CORO7: variants seen among roughly 807,000 people sequenced by gnomAD.
CORO7 encodes the protein coronin-7.
A neutral mutation model predicts 126.6 loss-of-function variants in CORO7; 107 were observed. That is an observed-to-expected ratio of 0.85 (90% CI 0.72 to 0.99). The LOEUF is 0.99. CORO7 is among the 50% of genes least tolerant of loss of function. The pLI is 0.00. For missense variants in CORO7, 1,314 were observed against 1,255.8 expected, an observed-to-expected ratio of 1.05 and a Z score of -0.70; for synonymous variants, 603 against 536.8, an observed-to-expected ratio of 1.12 and a Z score of -1.70.
Position 4,355,535 on chromosome 16 carries a change from C to G in CORO7, c.2686-163G>C. The G allele has an allele frequency of 9.9e-6, 7 of 706,380 alleles. 1 individual carries two copies. In the South Asian group the frequency reaches 1.1e-4, roughly 11 times the overall value. 43.8% of individuals were successfully genotyped at this position (706,380 alleles called of 1,614,324 possible). On this transcript the variant is annotated intron_variant, in intron 26 of 27. Coordinates refer to ENST00000251166, the MANE Select transcript of CORO7 (RefSeq NM_024535.5). ...GCTGGATGGAGTGCAGTGGCGCGAT[C>G]TCGGCTCACTGCAAGCTCTGCCTCC...
At position 4,365,013 on chromosome 16, in the gene CORO7, C is replaced by T. The variant is rs747702648; in HGVS notation, c.888G>A (p.Ala296=). 10 of 1,605,984 alleles carry T rather than the reference C, an allele frequency of 6.2e-6. No individual in the cohort carries two copies. Among genetic ancestry groups the T allele is most frequent in the African/African-American group, 4.0e-5 (3 of 74,924 alleles). Residue 296 remains alanine, a synonymous_variant, in exon 11 of 28, where the codon GCG becomes GCA. Coordinates refer to ENST00000251166, the MANE Select transcript of CORO7 (RefSeq NM_024535.5). ...GGAAGCAAGGCTTACCTGGGCTCAG[C>T]GCCGGCTGCTGCGGGACCACCTCGT... ...YCYEVVPQQP[A]LSPVTQCVLE... is the part of the protein sequence containing the mutation.
chr16:4,404,725 C>T (rs1380249944), intron 6 of CORO7, among the ~76,000 whole-genome samples: 1 of 152,146 alleles, frequency 6.6e-6, no homozygotes, highest in Non-Finnish European at 1.5e-5. Flanking sequence ...AATCCTTCTC[C>T]AACACTTGGC....
chr16:4,402,380 GA>G (rs1178312527), intron 6 of CORO7, among the ~76,000 whole-genome samples: 1 of 152,046 alleles, frequency 6.6e-6, no homozygotes, highest in African/African-American at 2.4e-5. Flanking sequence ...CTCAGCCTGG[GA>G]CCACAGGCGC....
intron 9 of CORO7, among the ~76,000 whole-genome samples, chr16:4,370,815 G>A (rs1016913090): frequency 8.6e-5 from 8 of 93,258 alleles, no homozygotes; most frequent in African/African-American, 2.0e-4. Context: ...TAAGCCTTCA[G>A]GCCCCCCAAA....
intron 6 of CORO7, among the ~76,000 whole-genome samples, chr16:4,404,676 G>A (rs1357761703): frequency 6.6e-6 from 1 of 152,024 alleles, no homozygotes; most frequent in African/African-American, 2.4e-5. Flanking sequence ...CCAGTGACAG[G>A]CCTCTCCTAC....
intron 6 of CORO7, 30 bp downstream of exon 6, chr16:4,405,461 C>T: frequency 6.2e-7 from 1 of 1,606,500 alleles, no homozygotes; most frequent in Non-Finnish European, 8.5e-7. Context: ...TGCACAGAGC[C>T]CCACAGGGCA....
chr16:4,399,290 A>T (rs949339567), intron 6 of CORO7, among the ~76,000 whole-genome samples: 2 of 152,240 alleles, frequency 1.3e-5, no homozygotes, highest in African/African-American at 4.8e-5. Context: ...CATACTATGC[A>T]GTCTTCAAAG....
chr16:4,371,438 C>A lies in CORO7; in HGVS notation c.786-5893G>T, dbSNP rs375120290. On this transcript the variant is annotated intron_variant, in intron 9 of 27. Transcript: ENST00000251166. ...TCTCTTCAAAAATCCAAAGCTCTAG[C>A]TGGCCCGGGCTGGTCATGAGGACTC... Among the ~76,000 whole-genome samples the A allele has an allele frequency of 4.6e-5, 7 of 152,334 alleles. 1 individual carries two copies. The highest frequency in any genetic ancestry group is 1.7e-4 in the African/African-American group (7 of 41,576).
At chr16:4,378,617 G>C (rs1388960556) in intron 9 of CORO7, among the ~76,000 whole-genome samples, 1 of 152,104 alleles carries the variant, frequency 6.6e-6, no homozygotes, top group Admixed American at 6.5e-5. Context: ...CATCAGACAC[G>C]AGCCCCCCTG....
intron 9 of CORO7, among the ~76,000 whole-genome samples, chr16:4,380,421 C>T (rs551443666): frequency 6.7e-4 from 102 of 152,374 alleles, no homozygotes; most frequent in African/African-American, 2.0e-3. Context: ...CAGCAGGAGC[C>T]GGCGGCCAAG....
At chr16:4,357,320 G>C in intron 25 of CORO7, 61 bp from the exon 26 acceptor site, 1 of 1,438,532 alleles carries the variant, frequency 7.0e-7, no homozygotes, top group Non-Finnish European at 9.3e-7. Flanking sequence ...TTGGTGCCAA[G>C]CCCTCGGGGA....
In CORO7 at chr16:4,361,973, T is replaced by TG; in HGVS notation, c.1578+11dup. On this transcript the variant is annotated intron_variant, in intron 16 of 27. Transcript: ENST00000251166. Reference sequence around the variant, plus strand: ...GAACTGAGGGGCAGCCCTGGTGGGGTGGGGCCCTCACCTCAAGCACAGCCA... The same window carrying TG: ...GAACTGAGGGGCAGCCCTGGTGGGGTGGGGGCCCTCACCTCAAGCACAGCCA... 1 of 1,592,340 alleles carries TG rather than the reference T, an allele frequency of 6.3e-7. No homozygotes were observed. The highest frequency in any genetic ancestry group is 8.5e-7 in the Non-Finnish European group (1 of 1,170,302).
intron 16 of CORO7, chr16:4,361,719 C>T (rs1299098919): frequency 1.0e-5 from 8 of 791,004 alleles, no homozygotes; most frequent in South Asian, 2.9e-5. Flanking sequence ...CTCAGGTGGC[C>T]GGGCTTCGGA....
In CORO7 at chr16:4,357,977, T is replaced by C; in HGVS notation, c.2584A>G (p.Met862Val). ...PWLLSLQPPD[M>V]SPVSQAPREA... The stretch of plus-strand genomic sequence containing the variant: ...CAGTCCCTCGGTGCACCTGGGCTCA[T>C]GTCAGGAGGCTGCAGGCTGAGAAGC... Residue 862 changes from methionine (M) to valine (V), a missense_variant, in exon 25 of 28, where the codon ATG becomes GTG. Transcript: ENST00000251166. 2 of 1,607,338 alleles carry C rather than the reference T, an allele frequency of 1.2e-6. No homozygotes were observed. The highest frequency in any genetic ancestry group is 1.7e-6 in the Non-Finnish European group (2 of 1,174,794).
chr16:4,364,780 G>A lies in CORO7; in HGVS notation c.1039C>T (p.Arg347Cys), dbSNP rs767077113. 2.8e-5 allele frequency: 45 copies of A among 1,610,338 alleles called. No individual in the cohort carries two copies. Among genetic ancestry groups the A allele is most frequent in the South Asian group, 1.5e-4 (14 of 90,786 alleles). The change falls in exon 12 of 28, where the codon CGC becomes TGC. Residue 347 changes from arginine (R) to cysteine (C), a missense_variant. Coordinates refer to ENST00000251166, the MANE Select transcript of CORO7 (RefSeq NM_024535.5). ...AIVPIGYHVP[R>C]KAVEFHEDLF... is the part of the protein sequence containing the mutation. ...CTCGCCCAAGTCCCCCTCACCTTGC[G>A]GGGCACATGGTAGCCGATGGGCACG... is the stretch of plus-strand genomic sequence containing the variant.
In CORO7 at chr16:4,409,776, G is replaced by A. The variant is rs78984780; in HGVS notation, c.233-1525C>T. The stretch of plus-strand genomic sequence containing the variant: ...CCCTCTGCTCCCCTGGCTGCTGGGC[G>A]GAAGGGCAAGAGTGGCCCTGAGCTG... On this transcript the variant is annotated intron_variant, in intron 3 of 27. Coordinates refer to ENST00000251166, the MANE Select transcript of CORO7 (RefSeq NM_024535.5). Among the ~76,000 whole-genome samples, 683 of 152,324 alleles carry A rather than the reference G, an allele frequency of 4.5e-3. 43 individuals carry two copies. The East Asian group carries it at 0.11, about 25-fold the overall frequency.
rs535787155 is a variant in CORO7, at chr16:4,358,344, G to A, written c.2457+23C>T. On this transcript the variant is annotated intron_variant, in intron 24 of 27. Transcript: ENST00000251166. Reference sequence around the variant, plus strand: ...GGCACCGAGAAGGCGGTGGGCATGGGAGTCCCAGGTCCCCACCCTCACCCG... The same window carrying A: ...GGCACCGAGAAGGCGGTGGGCATGGAAGTCCCAGGTCCCCACCCTCACCCG... 3.7e-5 allele frequency: 60 copies of A among 1,610,454 alleles called. No homozygotes were observed. In the Admixed American group the frequency reaches 4.5e-4, roughly 12 times the overall value.
At chr16:4,359,159 T>A (rs2054075868) in intron 23 of CORO7, 137 bp downstream of exon 23, 1 of 935,708 alleles carries the variant, frequency 1.1e-6, no homozygotes, top group Admixed American at 3.2e-5. Flanking sequence ...TGCCAGTCAC[T>A]GGGCACAGCC....
Position 4,389,286 on chromosome 16 carries a change from G to C in CORO7, c.616-655C>G, listed in dbSNP as rs2055303965. Among the ~76,000 whole-genome samples the C allele has an allele frequency of 2.0e-5, 3 of 152,206 alleles. No individual in the cohort carries two copies. In the South Asian group the frequency reaches 6.2e-4, roughly 31 times the overall value. On this transcript the variant is annotated intron_variant, in intron 7 of 27. Coordinates refer to ENST00000251166, the MANE Select transcript of CORO7 (RefSeq NM_024535.5). ...GGAAGGCTCCCGGCCCCTGGGAGGAGAGGGAAGCTCACATGGTGGGTGGGG... is the reference window on the plus strand; with the variant it reads ...GGAAGGCTCCCGGCCCCTGGGAGGACAGGGAAGCTCACATGGTGGGTGGGG...
Sources: allele counts gnomAD v4.1 joint callset (sites outside exome capture counted in the v4.1 genomes callset), GRCh38; gene constraint gnomAD v4.1.1; transcripts MANE v1.5; gene names NCBI Gene and HGNC (gene_info 2026-07-23, HGNC 2026-07-21).